The following AKAP8L variants were observed in gnomAD, a reference collection of about 807,000 sequenced individuals.
AKAP8L encodes A-kinase anchor protein 8-like.
Under a neutral mutation model 77.5 loss-of-function variants are expected in AKAP8L, and 34 were observed. That is an observed-to-expected ratio of 0.44 (90% CI 0.33 to 0.58). AKAP8L has a LOEUF of 0.58. Ranked by LOEUF, AKAP8L falls within the 20% of genes least tolerant of loss-of-function variation. The probability of loss-of-function intolerance (pLI) is 0.02; values close to 1 mark genes in which losing one functional copy is unlikely to be tolerated. For missense variants in AKAP8L, 806 were observed against 887.6 expected (o/e 0.91, Z 1.17); for synonymous variants, 342 against 340.7 (o/e 1.00, Z -0.04).
intron 2 of AKAP8L, among the ~76,000 whole-genome samples, chr19:15,408,033 G>C (rs1306455882): frequency 6.6e-6 from 1 of 152,228 alleles, no homozygotes; most frequent in African/African-American, 2.4e-5. Context: ...AGTGGCTAAT[G>C]CCTGTAATTC....
chr19:15,410,532 T>C lies in AKAP8L; in HGVS notation c.76A>G (p.Thr26Ala). The C allele has an allele frequency of 1.3e-6, 2 of 1,583,494 alleles. No homozygotes were observed. Among genetic ancestry groups the C allele is most frequent in the Non-Finnish European group, 8.6e-7 (1 of 1,164,606 alleles). The change falls in exon 2 of 14, where the codon ACC (threonine) becomes GCC (alanine). Residue 26 changes from threonine to alanine, a missense_variant. Thr to Ala is a moderately conservative substitution (Grantham distance 58). Coordinates refer to ENST00000397410, the MANE Select transcript of AKAP8L (RefSeq NM_014371.4). The stretch of plus-strand genomic sequence containing the variant: ...AGTCCACACTTACCATAATCACAGG[T>C]GGGCTGAGCGCTGGTATCCGAGTAT... ...STYSDTSAQP[T>A]CDYGYGTWNS...
intron 1 of AKAP8L, among the ~76,000 whole-genome samples, chr19:15,418,290 T>C (rs1422257267): frequency 6.6e-6 from 1 of 152,222 alleles, no homozygotes; most frequent in African/African-American, 2.4e-5. Context: ...ACGGTTCATT[T>C]GACAGACGCA....
At chr19:15,415,953 CAT>C (rs1968199780) in intron 1 of AKAP8L, among the ~76,000 whole-genome samples, 2 of 151,790 alleles carry the variant, frequency 1.3e-5, no homozygotes, top group Non-Finnish European at 2.9e-5. Context: ...GTGGCACAAT[CAT>C]GGCTCACTGC....
rs1951394418 is a variant in AKAP8L, at chr19:15,401,351, C to A, written c.615G>T (p.Met205Ile). 6.2e-7 allele frequency: 1 copy of A among 1,613,284 alleles called. No individual in the cohort carries two copies. Among genetic ancestry groups the A allele is most frequent in the African/African-American group, 1.3e-5 (1 of 74,942 alleles). ...SGYGRMWEDP[M>I]GARGQCMSGA... Reference sequence around the variant, plus strand: ...CAGACATGCACTGGCCCCGGGCCCCCATGGGGTCTTCCCACATGCGCCCAT... The same window carrying A: ...CAGACATGCACTGGCCCCGGGCCCCAATGGGGTCTTCCCACATGCGCCCAT... The change falls in exon 5 of 14, where the codon ATG becomes ATT. Residue 205 changes from methionine to isoleucine, a missense_variant. Coordinates refer to ENST00000397410, the MANE Select transcript of AKAP8L (RefSeq NM_014371.4). The surrounding 1 kb of genome is among the most constrained non-coding windows in gnomAD (Gnocchi z 6.2).
At chr19:15,402,421 G>A (rs564655464) in intron 4 of AKAP8L, among the ~76,000 whole-genome samples, 1 of 152,294 alleles carries the variant, frequency 6.6e-6, no homozygotes, top group Admixed American at 6.5e-5. Flanking sequence ...CCACCAAGAG[G>A]CACCGGCAGC....
chr19:15,395,978 C>T (rs1209323387), intron 12 of AKAP8L, among the ~76,000 whole-genome samples: 8 of 10,182 alleles, frequency 7.9e-4, no homozygotes, highest in Non-Finnish European at 1.3e-3. Flanking sequence ...AGCGAGACTC[C>T]GTCTCAAAAA....
chr19:15,406,053 G>A (rs911907930), intron 2 of AKAP8L, among the ~76,000 whole-genome samples: 4 of 152,296 alleles, frequency 2.6e-5, no homozygotes, highest in African/African-American at 9.6e-5. Flanking sequence ...ACAACAGAGT[G>A]AGGAGGCACA....
rs1967945928 is a variant in AKAP8L at position 15,403,742 on chromosome 19, A to T, written c.122-27T>A. On this transcript the variant is annotated intron_variant, in intron 3 of 13. Transcript: ENST00000397410. The surrounding 1 kb of genome is among the most constrained non-coding windows in gnomAD (Gnocchi z 4.3). ...TGCAGTGAGGGAGACAGAGACAGAC[A>T]GATGGTGGGGGCAGGCAGAGGGGAG... 6.5e-7 allele frequency: 1 copy of T among 1,534,864 alleles called. No individual in the cohort carries two copies. The highest frequency in any genetic ancestry group is 1.4e-5 in the African/African-American group (1 of 72,820).
chr19:15,400,501 C>A, intron 7 of AKAP8L, 143 bp from the exon 8 acceptor site: 2 of 824,044 alleles, frequency 2.4e-6, no homozygotes, highest in Non-Finnish European at 3.8e-6. Flanking sequence ...GCAGGGTGGC[C>A]CAGAGTAGCC....
chr19:15,406,362 GGAGAGAGAGAGA>G (rs3040938), intron 2 of AKAP8L, among the ~76,000 whole-genome samples: 241 of 89,364 alleles, frequency 2.7e-3, no homozygotes, highest in East Asian at 4.7e-3. Flanking sequence ...GAAATTTTAA[GGAGAGAGAGAGA>G]GAGAGAGAGA....
In AKAP8L at chr19:15,397,444, G is replaced by A; in HGVS notation, c.1405+76C>T. On this transcript the variant is annotated intron_variant, in intron 11 of 13. Transcript: ENST00000397410. The surrounding 1 kb of genome is among the most constrained non-coding windows in gnomAD (Gnocchi z 4.7). ...ACCTTCCCTGGGGGAACAGAAGGGT[G>A]TCCTGACCCTGCACCGAAAATCAGG... The A allele has an allele frequency of 6.7e-7, 1 of 1,501,056 alleles. No homozygotes were observed. Among genetic ancestry groups the A allele is most frequent in the East Asian group, 2.3e-5 (1 of 43,530 alleles). The allele number at this position is 1,501,056 out of a possible 1,614,324, so 93.0% of individuals were successfully genotyped here.
At chr19:15,380,714 C>G in intron 12 of AKAP8L, 102 bp from the exon 13 acceptor site, 1 of 981,192 alleles carries the variant, frequency 1.0e-6, no homozygotes, top group Non-Finnish European at 1.6e-6. Flanking sequence ...GCCCCTGCAC[C>G]CACGCACTTC....
chr19:15,401,460 C>A lies in AKAP8L; in HGVS notation c.506G>T (p.Arg169Leu), dbSNP rs750212851. ...GQYDAYRDQF[R>L]MRGNDTFGPR... Reference sequence around the variant, plus strand: ...ACCGAAGGTGTCGTTGCCACGCATGCGGAACTGGTCGCGGTAGGCATCGTA... The same window carrying A: ...ACCGAAGGTGTCGTTGCCACGCATGAGGAACTGGTCGCGGTAGGCATCGTA... The change falls in exon 5 of 14, where the codon CGC (arginine) becomes CTC (leucine). Residue 169 changes from arginine (R) to leucine (L), a missense_variant. By Grantham distance (102) the Arg-to-Leu change is moderately radical (BLOSUM62 -2). Transcript: ENST00000397410. This position sits in a 1 kb window ranked among gnomAD's most constrained non-coding sequence, Gnocchi z 6.2. The A allele has an allele frequency of 1.2e-6, 2 of 1,613,730 alleles. No homozygotes were observed. Among genetic ancestry groups the A allele is most frequent in the South Asian group, 2.2e-5 (2 of 91,092 alleles).
Position 15,397,936 on chromosome 19 carries a change from A to G in AKAP8L, c.1158-81T>C, listed in dbSNP as rs1967812020. Reference sequence around the variant, plus strand: ...TGCCGCCTCACCCAACCCAGACACAAGCCCTGAAACAGGCCTTGCTCACGG... The same window carrying G: ...TGCCGCCTCACCCAACCCAGACACAGGCCCTGAAACAGGCCTTGCTCACGG... On this transcript the variant is annotated intron_variant, in intron 9 of 13. Coordinates refer to ENST00000397410, the MANE Select transcript of AKAP8L (RefSeq NM_014371.4). The surrounding 1 kb of genome is among the most constrained non-coding windows in gnomAD (Gnocchi z 4.7). 6.5e-7 allele frequency: 1 copy of G among 1,541,194 alleles called. No individual in the cohort carries two copies. Among genetic ancestry groups the G allele is most frequent in the East Asian group, 2.4e-5 (1 of 41,840 alleles).
In AKAP8L at chr19:15,399,194, C is replaced by T; in HGVS notation, c.1157+108G>A. ...CCATGCACGGCCGAGCAGGTGGCGG[C>T]TCCCAAGGGAGGCCAGAGGGCGGCG... is the stretch of plus-strand genomic sequence containing the variant. On this transcript the variant is annotated intron_variant, in intron 9 of 13. Coordinates refer to ENST00000397410, the MANE Select transcript of AKAP8L (RefSeq NM_014371.4). The surrounding 1 kb of genome is among the most constrained non-coding windows in gnomAD (Gnocchi z 6.1). 1 of 1,001,838 alleles carries T rather than the reference C, an allele frequency of 1.0e-6. No homozygotes were observed. The highest frequency in any genetic ancestry group is 1.5e-6 in the Non-Finnish European group (1 of 652,090). The allele number at this position is 1,001,838 out of a possible 1,614,324, so 62.1% of individuals were successfully genotyped here. A position where few individuals can be genotyped will look rare whatever the true frequency, so the allele number is the denominator to read the frequency against.
At chr19:15,406,233 C>T in intron 2 of AKAP8L, among the ~76,000 whole-genome samples, 1 of 152,016 alleles carries the variant, frequency 6.6e-6, no homozygotes, top group Non-Finnish European at 1.5e-5. Context: ...AGCTGGGTCC[C>T]TTCAGGAGGA....
chr19:15,389,560 C>G (rs1317973319), intron 12 of AKAP8L, among the ~76,000 whole-genome samples: 7 of 151,938 alleles, frequency 4.6e-5, no homozygotes, highest in Admixed American at 2.6e-4. Context: ...ATCACGAGGT[C>G]AGGAGATCGA....
chr19:15,400,157 T>C, intron 8 of AKAP8L, 138 bp downstream of exon 8: 1 of 841,586 alleles, frequency 1.2e-6, no homozygotes, highest in Non-Finnish European at 2.0e-6. Context: ...GAAAGCCCCC[T>C]GCCAGCACAC....
At chr19:15,400,594 G>A (rs1428795759) in intron 7 of AKAP8L, 200 bp downstream of exon 7, 13 of 744,484 alleles carry the variant, frequency 1.7e-5, no homozygotes, top group Non-Finnish European at 2.9e-5. Flanking sequence ...GTGCACAGGG[G>A]CTCATCCCAT....
Sources: gnomAD v4.1 joint callset for allele counts (sites outside exome capture counted in the v4.1 genomes callset) on GRCh38, gnomAD v4.1.1 for gene constraint, Gnocchi (gnomAD v3.1) non-coding constraint, MANE v1.5 for transcripts, NCBI Gene and HGNC (gene_info 2026-07-23, HGNC 2026-07-21) for gene names.